The following RSRC1 variants were observed in gnomAD, a reference collection of about 807,000 sequenced individuals.
RSRC1 encodes the protein arginine and serine rich coiled-coil 1, also known as serine/Arginine-related protein 53.
A neutral mutation model predicts 49.1 loss-of-function variants in RSRC1; 39 were observed. The ratio of observed to expected loss-of-function variants is 0.79; its 90% confidence interval spans 0.61 to 1.04. The LOEUF is 1.04. Among genes scored for constraint, RSRC1 ranks in the 50% least tolerant of loss-of-function variants. The pLI is 0.00. For missense variants in RSRC1, 388 were observed against 402.4 expected (o/e 0.96, Z 0.31); for synonymous variants, 143 against 130.8 (o/e 1.09, Z -0.63).
intron 6 of RSRC1, among the ~76,000 whole-genome samples, chr3:158,435,713 T>A (rs1409584886): frequency 6.6e-6 from 1 of 151,712 alleles, no homozygotes; most frequent in Non-Finnish European, 1.5e-5. Flanking sequence ...AAGGGAAGAC[T>A]TTACGCTTAG....
intron 5 of RSRC1, among the ~76,000 whole-genome samples, chr3:158,341,781 C>G (rs368566083): frequency 2.6e-5 from 4 of 152,234 alleles, no homozygotes. Context: ...CTGGAAAAGC[C>G]ACAGACACTC....
intron 3 of RSRC1, among the ~76,000 whole-genome samples, chr3:158,137,335 G>T (rs1431107911): frequency 6.6e-6 from 1 of 151,752 alleles, no homozygotes; most frequent in Non-Finnish European, 1.5e-5. Context: ...CTAAATTTTT[G>T]AATAAAAGAT....
intron 3 of RSRC1, among the ~76,000 whole-genome samples, chr3:158,165,464 C>T (rs1165682187): frequency 6.6e-6 from 1 of 152,198 alleles, no homozygotes; most frequent in African/African-American, 2.4e-5. Context: ...AGTCATTGAG[C>T]TGTTTGTAGC....
chr3:158,205,705 A>G (rs1721308543), intron 4 of RSRC1, among the ~76,000 whole-genome samples: 1 of 152,158 alleles, frequency 6.6e-6, no homozygotes, highest in Non-Finnish European at 1.5e-5. Context: ...AGGGTCAGCA[A>G]ACTTTTGTAA....
intron 3 of RSRC1, among the ~76,000 whole-genome samples, chr3:158,139,636 C>CT (rs11388130): frequency 0.55 from 76,270 of 139,854 alleles, 21,051 homozygotes; most frequent in East Asian, 0.7. Flanking sequence ...TCCCATTAGT[C>CT]TTTTTTTTTT....
intron 5 of RSRC1, among the ~76,000 whole-genome samples, chr3:158,335,727 C>T (rs1267801004): frequency 1.3e-5 from 2 of 152,168 alleles, no homozygotes; most frequent in East Asian, 1.9e-4. Context: ...CCTGTAGTCT[C>T]TATTGCAACT....
chr3:158,294,095 T>C (rs895449428), intron 4 of RSRC1, among the ~76,000 whole-genome samples: 3 of 152,170 alleles, frequency 2.0e-5, no homozygotes, highest in Non-Finnish European at 4.4e-5. Flanking sequence ...TCATTATTTC[T>C]TCAAATATTT....
intron 6 of RSRC1, among the ~76,000 whole-genome samples, chr3:158,453,834 C>T (rs1321549935): frequency 6.6e-6 from 1 of 151,996 alleles, no homozygotes; most frequent in African/African-American, 2.4e-5. Flanking sequence ...AAAATTTCTT[C>T]TGCATCTCTA....
intron 3 of RSRC1, among the ~76,000 whole-genome samples, chr3:158,145,758 C>T (rs1717057364): frequency 6.6e-6 from 1 of 152,182 alleles, no homozygotes; most frequent in African/African-American, 2.4e-5. Context: ...TTCTTCCTAT[C>T]CATGAACATG....
At chr3:158,137,486 C>G (rs1716450573) in intron 3 of RSRC1, among the ~76,000 whole-genome samples, 2 of 151,626 alleles carry the variant, frequency 1.3e-5, no homozygotes, top group South Asian at 4.2e-4. Context: ...TATTTTAAAT[C>G]AGTTTTAAGG....
intron 6 of RSRC1, among the ~76,000 whole-genome samples, chr3:158,420,169 C>A (rs1235776092): frequency 6.6e-6 from 1 of 151,954 alleles, no homozygotes; most frequent in East Asian, 1.9e-4. Context: ...TCACAAATTA[C>A]CTCAACAAAT....
chr3:158,174,578 A>C (rs1719088210), intron 3 of RSRC1, among the ~76,000 whole-genome samples: 1 of 151,984 alleles, frequency 6.6e-6, no homozygotes, highest in African/African-American at 2.4e-5. Context: ...AAATCCATTT[A>C]GAAGTTTTGG....
At chr3:158,258,958 A>AT (rs1273223772) in intron 4 of RSRC1, among the ~76,000 whole-genome samples, 1 of 151,832 alleles carries the variant, frequency 6.6e-6, no homozygotes, top group African/African-American at 2.4e-5. Flanking sequence ...TCTTCTTGGT[A>AT]TTTGTTATCT....
intron 3 of RSRC1, among the ~76,000 whole-genome samples, chr3:158,168,650 GT>G (rs1162517298): frequency 1.3e-5 from 2 of 151,948 alleles, no homozygotes; most frequent in Non-Finnish European, 2.9e-5. Context: ...GTTACTATTC[GT>G]TAAGATTATA....
intron 6 of RSRC1, among the ~76,000 whole-genome samples, chr3:158,460,492 A>G (rs1240020393): frequency 6.6e-6 from 1 of 151,894 alleles, no homozygotes; most frequent in Non-Finnish European, 1.5e-5. Flanking sequence ...ATGATGTGCA[A>G]TGAACAAAAA....
At chr3:158,515,717 C>G (rs958569046) in intron 7 of RSRC1, among the ~76,000 whole-genome samples, 11 of 148,422 alleles carry the variant, frequency 7.4e-5, no homozygotes, top group African/African-American at 2.0e-4. Context: ...TCCATTCTCC[C>G]CGTCACTTTC....
intron 4 of RSRC1, among the ~76,000 whole-genome samples, chr3:158,292,097 C>T (rs979286252): frequency 5.9e-5 from 9 of 152,188 alleles, no homozygotes; most frequent in African/African-American, 1.4e-4. Flanking sequence ...TGGACAACCT[C>T]AGTCTTGTCC....
intron 5 of RSRC1, among the ~76,000 whole-genome samples, chr3:158,309,185 T>C (rs765552763): frequency 2.0e-5 from 3 of 151,928 alleles, no homozygotes; most frequent in South Asian, 2.1e-4. Context: ...CTCTGCCTTA[T>C]AGAGACATGA....
chr3:158,228,524 T>C (rs1722650490), intron 4 of RSRC1, among the ~76,000 whole-genome samples: 1 of 151,946 alleles, frequency 6.6e-6, no homozygotes, highest in South Asian at 2.1e-4. Context: ...TCTTTTTAGA[T>C]CCCATATCAT....
Sources: allele counts gnomAD v4.1 joint callset (sites outside exome capture counted in the v4.1 genomes callset), GRCh38; gene constraint gnomAD v4.1.1; transcripts MANE v1.5; gene names NCBI Gene and HGNC (gene_info 2026-07-23, HGNC 2026-07-21).